NRXN2: variants seen among roughly 807,000 people sequenced by gnomAD.
NRXN2 encodes the protein neurexin 2, also known as neurexin-2-beta.
In NRXN2, 29 loss-of-function variants were observed where a neutral mutation model predicts 128.8. That is an observed-to-expected ratio of 0.23 (90% CI 0.17 to 0.31). NRXN2 has a LOEUF of 0.31. Among genes scored for constraint, NRXN2 ranks in the 10% least tolerant of loss-of-function variants. NRXN2 has a pLI of 1.00. For missense variants in NRXN2, 1,881 were observed against 2,452.6 expected, an observed-to-expected ratio of 0.77 and a Z score of 4.92; for synonymous variants, 1,098 against 1,075.2, an observed-to-expected ratio of 1.02 and a Z score of -0.41.
chr11:64,698,492 T>C (rs1253768591), intron 2 of NRXN2, among the ~76,000 whole-genome samples: 1 of 152,162 alleles, frequency 6.6e-6, no homozygotes, highest in Non-Finnish European at 1.5e-5. Context: ...TTCTGCAAAA[T>C]GAGAGGGGTG....
rs139502807 is a variant in NRXN2, at chr11:64,671,946, A to T, written c.1198-3342T>A. On this transcript the variant is annotated intron_variant, in intron 7 of 22. Coordinates refer to ENST00000265459, the MANE Select transcript of NRXN2 (RefSeq NM_015080.4). ...CCTACCCAGGGCAGTGGGACCTTCC[A>T]GCTCTCTCCTTCCAAACAGCATCAC... 2.0e-3 allele frequency among the ~76,000 whole-genome samples: 309 copies of T among 152,048 alleles called. 1 individual carries two copies. Among genetic ancestry groups the T allele is most frequent in the African/African-American group, 7.1e-3 (294 of 41,446 alleles).
At chr11:64,671,597 G>A (rs996340119) in intron 7 of NRXN2, among the ~76,000 whole-genome samples, 1 of 152,058 alleles carries the variant, frequency 6.6e-6, no homozygotes, top group African/African-American at 2.4e-5. Flanking sequence ...GACACATGCA[G>A]GTTAGAGGAG....
chr11:64,679,266 G>A (rs955582979), intron 6 of NRXN2, among the ~76,000 whole-genome samples: 4 of 152,226 alleles, frequency 2.6e-5, no homozygotes, highest in Non-Finnish European at 1.5e-5. Flanking sequence ...ACTGGTTATG[G>A]AGAATAAAAT....
intron 6 of NRXN2, 92 bp from the exon 7 acceptor site, chr11:64,677,129 A>C: frequency 1.1e-6 from 1 of 895,738 alleles, no homozygotes; most frequent in Non-Finnish European, 1.8e-6. Flanking sequence ...AAAGAAAAGA[A>C]AAATAAAATG....
chr11:64,676,787 T>C, intron 7 of NRXN2: 1 of 611,410 alleles, frequency 1.6e-6, no homozygotes, highest in Non-Finnish European at 2.9e-6. Flanking sequence ...TCTTTTGTAT[T>C]TCAGTTTGGA....
rs888289667 is a variant in NRXN2, at chr11:64,714,111, A to G, written c.-244-168T>C. The stretch of plus-strand genomic sequence containing the variant: ...GAGGGTCCCGAGGCAAGAGACGCGG[A>G]TTCCGGGGGCCAGCACTTAGGAGAG... On this transcript the variant is annotated intron_variant, in intron 1 of 22. Transcript: ENST00000265459. This position sits in a 1 kb window ranked among gnomAD's most constrained non-coding sequence, Gnocchi z 4.5. Among the ~76,000 whole-genome samples, 8 of 152,178 alleles carry G rather than the reference A, an allele frequency of 5.3e-5. No individual in the cohort carries two copies. The highest frequency in any genetic ancestry group is 7.4e-5 in the Non-Finnish European group (5 of 68,026).
At chr11:64,685,116 G>A (rs894205947) in intron 6 of NRXN2, among the ~76,000 whole-genome samples, 4 of 152,118 alleles carry the variant, frequency 2.6e-5, no homozygotes, top group Non-Finnish European at 4.4e-5. Context: ...CCCTAAAAAA[G>A]CCTCGGCTGG....
At chr11:64,649,001 G>T in intron 15 of NRXN2, 94 bp from the exon 16 acceptor site, 1 of 1,282,484 alleles carries the variant, frequency 7.8e-7, no homozygotes, top group South Asian at 1.2e-5. Context: ...GCCTTCTCAG[G>T]TTCTCTGCGT....
intron 1 of NRXN2, among the ~76,000 whole-genome samples, chr11:64,722,338 C>T (rs935256889): frequency 6.6e-6 from 1 of 151,644 alleles, no homozygotes. Flanking sequence ...CCCTCAGACC[C>T]CATCTTTCCC....
intron 7 of NRXN2, among the ~76,000 whole-genome samples, chr11:64,670,826 G>T (rs1168383521): frequency 6.6e-6 from 1 of 152,172 alleles, no homozygotes; most frequent in African/African-American, 2.4e-5. Flanking sequence ...GCAGGGAAAG[G>T]GCTCTTCTGG....
rs1250850118 is a variant in NRXN2, at chr11:64,685,897, C to T, written c.901G>A (p.Asp301Asn). The change falls in exon 6 of 23, where the codon GAC (aspartate) becomes AAC (asparagine). Residue 301 changes from aspartate (D) to asparagine (N), a missense_variant. This residue lies in a region of NRXN2 where 997 missense variants were observed against 1,240.8 expected (regional missense o/e 0.80). Coordinates refer to ENST00000265459, the MANE Select transcript of NRXN2 (RefSeq NM_015080.4). ...CTCTGGATGGGGTTGTGTGACAGGTCGTAGCAGAAGAACTCATTGCCTTTG... is the reference window on the plus strand; with the variant it reads ...CTCTGGATGGGGTTGTGTGACAGGTTGTAGCAGAAGAACTCATTGCCTTTG... ...TFKGNEFFCY[D>N]LSHNPIQSST... The T allele has an allele frequency of 6.2e-7, 1 of 1,614,144 alleles. No homozygotes were observed. Among genetic ancestry groups the T allele is most frequent in the Non-Finnish European group, 8.5e-7 (1 of 1,180,024 alleles).
At chr11:64,642,333 T>A (rs562642433) in intron 17 of NRXN2, among the ~76,000 whole-genome samples, 2 of 143,380 alleles carry the variant, frequency 1.4e-5, no homozygotes, top group South Asian at 4.5e-4. Flanking sequence ...ATGAGGGTGA[T>A]GGGGGAGAGG....
chr11:64,622,207 C>T lies in NRXN2; in HGVS notation c.4173+546G>A, dbSNP rs569972457. Among the ~76,000 whole-genome samples the T allele has an allele frequency of 2.0e-5, 3 of 152,262 alleles. No individual in the cohort carries two copies. The highest frequency in any genetic ancestry group is 7.2e-5 in the African/African-American group (3 of 41,540). On this transcript the variant is annotated intron_variant, in intron 21 of 22. Transcript: ENST00000265459. This position sits in a 1 kb window ranked among gnomAD's most constrained non-coding sequence, Gnocchi z 4.3. ...CAATGGACTTGCAGCCAGGGCTTTC[C>T]CACTGCAGGGACCCCAGCAAACAAG...
chr11:64,622,607 T>C lies in NRXN2; in HGVS notation c.4173+146A>G. The C allele has an allele frequency of 6.6e-6, 8 of 1,217,392 alleles. No homozygotes were observed. The highest frequency in any genetic ancestry group is 8.0e-6 in the Non-Finnish European group (7 of 873,172). 75.4% of individuals were successfully genotyped at this position (1,217,392 alleles called of 1,614,324 possible). On this transcript the variant is annotated intron_variant, in intron 21 of 22. Transcript: ENST00000265459. The surrounding 1 kb of genome is among the most constrained non-coding windows in gnomAD (Gnocchi z 4.3). ...TGAAAGGTGACCTTGCCCATCGCCATGGCAACAAAGTCAGCGACAGCAGCC... is the reference window on the plus strand; with the variant it reads ...TGAAAGGTGACCTTGCCCATCGCCACGGCAACAAAGTCAGCGACAGCAGCC...
intron 9 of NRXN2, 178 bp from the exon 10 acceptor site, chr11:64,661,317 G>A (rs2048999340): frequency 4.1e-6 from 6 of 1,480,158 alleles, no homozygotes; most frequent in Non-Finnish European, 5.4e-6. Flanking sequence ...TGCAAAAACT[G>A]CTTGACAAAG....
Position 64,713,312 on chromosome 11 carries a change from C to G in NRXN2, c.388G>C (p.Gly130Arg). Residue 130 changes from glycine (G) to arginine (R), a missense_variant, in exon 2 of 23, where the codon GGC (glycine) becomes CGC (arginine). Gly to Arg is a moderately radical substitution (Grantham distance 125, BLOSUM62 -2). Around this residue, in one of 7 missense-constraint regions of NRXN2, gnomAD observed 997 missense variants for 1,240.8 expected, o/e 0.80. Coordinates refer to ENST00000265459, the MANE Select transcript of NRXN2 (RefSeq NM_015080.4). ...CGCACCTCGGCGGCGCGGGCCTCGC[C>G]GTCCACCGCCAGCGCCGTGCGGCGC... Reference protein sequence around the residue: ...DARRTALAVDGEARAAEVRSK... With the variant: ...DARRTALAVDREARAAEVRSK... 1 of 1,361,252 alleles carries G rather than the reference C, an allele frequency of 7.3e-7. No individual in the cohort carries two copies. Among genetic ancestry groups the G allele is most frequent in the Non-Finnish European group, 9.4e-7 (1 of 1,063,554 alleles). The allele number at this position is 1,361,252 out of a possible 1,614,324, so 84.3% of individuals were successfully genotyped here.
At chr11:64,676,387 A>T (rs2051321833) in intron 7 of NRXN2, 2 of 159,630 alleles carry the variant, frequency 1.3e-5, no homozygotes, top group African/African-American at 4.8e-5. Context: ...GTCTGGACTG[A>T]TCTCAGGCAG....
At chr11:64,661,598 A>C (rs896955900) in intron 9 of NRXN2, among the ~76,000 whole-genome samples, 2 of 152,224 alleles carry the variant, frequency 1.3e-5, no homozygotes. Context: ...TTCCCCCCAC[A>C]AACATTTATT....
intron 7 of NRXN2, among the ~76,000 whole-genome samples, chr11:64,674,415 C>T (rs1211566233): frequency 6.6e-6 from 1 of 152,134 alleles, no homozygotes; most frequent in Admixed American, 6.5e-5. Context: ...TGGCCTTGAA[C>T]TCCTGGACTC....
Sources: allele counts gnomAD v4.1 joint callset (sites outside exome capture counted in the v4.1 genomes callset), GRCh38; gene constraint gnomAD v4.1.1; regional missense constraint gnomAD v4.1.1; non-coding constraint Gnocchi (gnomAD v3.1); transcripts MANE v1.5; gene names NCBI Gene and HGNC (gene_info 2026-07-23, HGNC 2026-07-21).